Variants in BSPH1 observed in about 807,000 individuals in gnomAD.
The protein encoded by BSPH1 is binder of sperm 1.
In BSPH1, 21 loss-of-function variants were observed where a neutral mutation model predicts 22.5. That is an observed-to-expected ratio of 0.93 (90% CI 0.66 to 1.35). BSPH1 has a LOEUF of 1.35. BSPH1 is among the 40% of genes most tolerant of loss of function. The probability of loss-of-function intolerance (pLI) is 0.00; values close to 1 mark genes in which losing one functional copy is unlikely to be tolerated. For missense variants in BSPH1, 141 were observed against 154.2 expected (o/e 0.91, Z 0.45); for synonymous variants, 42 against 53.6 (o/e 0.78, Z 0.95).
At chr19:47,968,313 T>C (rs998815959) in intron 5 of BSPH1, 104 bp from the exon 6 acceptor site, 1 of 151,768 alleles carries the variant, frequency 6.6e-6, no homozygotes, top group Admixed American at 6.6e-5. Context: ...CTGGAGTCTG[T>C]GGAGACACAC....
downstream of BSPH1, among the ~76,000 whole-genome samples, chr19:47,967,343 C>T (rs1969268933): frequency 6.6e-6 from 1 of 152,226 alleles, no homozygotes; most frequent in Admixed American, 6.5e-5. Flanking sequence ...CTGGCCATTT[C>T]TAGTAAGCTG....
At position 47,968,158 on chromosome 19, in the gene BSPH1, A is replaced by G. The variant is rs970205434; in HGVS notation, c.*54T>C. 9 of 152,200 alleles carry G rather than the reference A, an allele frequency of 5.9e-5. No individual in the cohort carries two copies. The highest frequency in any genetic ancestry group is 2.2e-4 in the African/African-American group (9 of 41,446). The allele number at this position is 152,200 out of a possible 1,614,324, so 9.4% of individuals were successfully genotyped here. A position where few individuals can be genotyped will look rare whatever the true frequency, so the allele number is the denominator to read the frequency against. On this transcript the variant is annotated 3_prime_UTR_variant, in exon 6 of 6. Transcript: ENST00000344839. ...TCAGGAAGAAGATTATTACTGCTGG[A>G]TGCATCGATCATGTTTTGTCTGTAT...
intron 1 of BSPH1, among the ~76,000 whole-genome samples, chr19:47,984,161 A>T (rs962761932): frequency 1.6e-4 from 22 of 135,784 alleles, no homozygotes; most frequent in African/African-American, 4.3e-4. Context: ...GAAAAAAAAA[A>T]AAATATATAT....
At chr19:47,986,607 T>A (rs1006454223) in intron 1 of BSPH1, among the ~76,000 whole-genome samples, 1 of 152,000 alleles carries the variant, frequency 6.6e-6, no homozygotes, top group African/African-American at 2.4e-5. Flanking sequence ...TAGCTGGGCA[T>A]GGTGGCGTGC....
intron 5 of BSPH1, 113 bp downstream of exon 5, chr19:47,976,587 AAAAAAAAAAC>A (rs941176440): frequency 3.0e-5 from 20 of 657,782 alleles, no homozygotes; most frequent in Middle Eastern, 2.6e-4. Context: ...TCCCAGAAAA[AAAAAAAAAAC>A]AAAAAAAAAC....
At chr19:47,968,931 G>A (rs576353225) in intron 5 of BSPH1, among the ~76,000 whole-genome samples, 42 of 149,738 alleles carry the variant, frequency 2.8e-4, no homozygotes, top group African/African-American at 9.6e-4. Context: ...CATGGGAGGC[G>A]GAGGTTGCAG....
intron 1 of BSPH1, among the ~76,000 whole-genome samples, chr19:47,990,372 T>G (rs1184146459): frequency 6.6e-6 from 1 of 152,054 alleles, no homozygotes; most frequent in Non-Finnish European, 1.5e-5. Context: ...ATCCATAAAT[T>G]AGGAGACCAG....
chr19:47,976,521 A>G (rs1376240136), intron 5 of BSPH1, among the ~76,000 whole-genome samples, 189 bp downstream of exon 5: 1 of 135,388 alleles, frequency 7.4e-6, no homozygotes, highest in Non-Finnish European at 1.7e-5. Flanking sequence ...TTAAAACCCC[A>G]TAATCCTGAA....
At chr19:47,969,685 GAGAGAGAGA>G (rs1969291713) in intron 5 of BSPH1, among the ~76,000 whole-genome samples, 2 of 5,680 alleles carry the variant, frequency 3.5e-4, no homozygotes, top group Non-Finnish European at 1.1e-3. Flanking sequence ...GGGAGAGGGG[GAGAGAGAGA>G]GAGAGAGAGA....
intron 1 of BSPH1, among the ~76,000 whole-genome samples, chr19:47,984,495 AT>A (rs1969450597): frequency 6.6e-6 from 1 of 152,084 alleles, no homozygotes; most frequent in Non-Finnish European, 1.5e-5. Flanking sequence ...GGTTTTAAAA[AT>A]ACCCTTATTT....
intron 2 of BSPH1, among the ~76,000 whole-genome samples, chr19:47,980,591 C>A (rs1053720167): frequency 1.3e-5 from 2 of 151,002 alleles, no homozygotes; most frequent in South Asian, 4.2e-4. Context: ...GCCTCAGCCT[C>A]GGGAGTAGCT....
intron 5 of BSPH1, among the ~76,000 whole-genome samples, chr19:47,975,801 A>G (rs111847006): frequency 0.12 from 17,998 of 151,522 alleles, 1,211 homozygotes; most frequent in Middle Eastern, 0.2. Flanking sequence ...GACTACAGGC[A>G]CCCGCCACCA....
At chr19:47,981,843 C>T (rs887234252) in intron 1 of BSPH1, 2 of 490,114 alleles carry the variant, frequency 4.1e-6, no homozygotes, top group Non-Finnish European at 5.3e-6. Context: ...GTAATATTTA[C>T]CTCCCCCTCC....
intron 5 of BSPH1, among the ~76,000 whole-genome samples, chr19:47,971,184 C>G (rs1969307864): frequency 1.3e-5 from 2 of 152,034 alleles, no homozygotes; most frequent in Non-Finnish European, 2.9e-5. Flanking sequence ...CACTAATTCT[C>G]TGTATTTTAT....
chr19:47,988,518 G>A (rs1004497508), intron 1 of BSPH1, among the ~76,000 whole-genome samples: 2 of 152,184 alleles, frequency 1.3e-5, no homozygotes, highest in Non-Finnish European at 2.9e-5. Context: ...GTGGGACAGA[G>A]GAGGCGAGAG....
intron 1 of BSPH1, 83 bp from the exon 2 acceptor site, chr19:47,981,024 A>G (rs1287516253): frequency 1.3e-6 from 1 of 750,146 alleles, no homozygotes; most frequent in Non-Finnish European, 2.1e-6. Context: ...CTATTCTAGT[A>G]AGAATAATAC....
At chr19:47,972,827 G>A (rs1053372344) in intron 5 of BSPH1, among the ~76,000 whole-genome samples, 3 of 149,888 alleles carry the variant, frequency 2.0e-5, no homozygotes, top group African/African-American at 4.9e-5. Flanking sequence ...ATATATGCGT[G>A]TGTGTGTGTG....
intron 1 of BSPH1, among the ~76,000 whole-genome samples, chr19:47,985,916 C>T (rs1969466251): frequency 6.6e-6 from 1 of 152,102 alleles, no homozygotes. Flanking sequence ...ATGAAGTCCC[C>T]TGAACCCGAT....
intron 5 of BSPH1, among the ~76,000 whole-genome samples, chr19:47,973,526 AT>A (rs1329147136): frequency 7.9e-5 from 12 of 152,234 alleles, no homozygotes; most frequent in Non-Finnish European, 1.5e-5. Context: ...TACAGCTCCC[AT>A]TTTATTCTGC....
Sources: allele counts gnomAD v4.1 joint callset (sites outside exome capture counted in the v4.1 genomes callset), GRCh38; gene constraint gnomAD v4.1.1; transcripts MANE v1.5; gene names NCBI Gene and HGNC (gene_info 2026-07-23, HGNC 2026-07-21).